The following SH3GL3 variants were observed in gnomAD, a reference collection of about 807,000 sequenced individuals.
The protein encoded by SH3GL3 is SH3 domain containing GRB2 like 3, endophilin A3.
SH3GL3 carries 33 observed loss-of-function variants against 47.7 expected under a neutral mutation model. The observed-to-expected ratio is 0.69, with a 90% CI of 0.52 to 0.92. The LOEUF (loss-of-function observed/expected upper bound fraction) is 0.92, where lower values mean the gene tolerates loss of function less well. Among genes scored for constraint, SH3GL3 ranks in the 40% least tolerant of loss-of-function variants. SH3GL3 has a pLI of 0.00. For missense variants in SH3GL3, 363 were observed against 417.8 expected, an observed-to-expected ratio of 0.87 and a Z score of 1.14; for synonymous variants, 155 against 148.8, an observed-to-expected ratio of 1.04 and a Z score of -0.30.
chr15:83,532,694 T>C (rs2732150), intron 1 of SH3GL3, among the ~76,000 whole-genome samples: 84,021 of 152,022 alleles, frequency 0.55, 23,547 homozygotes, highest in East Asian at 0.77. Context: ...ATTTTTCTCA[T>C]CTAGCATGAA....
intron 1 of SH3GL3, among the ~76,000 whole-genome samples, chr15:83,525,346 T>TTGTGTG (rs776105824): frequency 8.1e-5 from 6 of 73,940 alleles, no homozygotes; most frequent in African/African-American, 2.4e-4. Flanking sequence ...ATGAGATTCT[T>TTGTGTG]TGTGCGTGTG....
intron 1 of SH3GL3, among the ~76,000 whole-genome samples, chr15:83,471,586 T>G (rs1017436937): frequency 6.6e-6 from 1 of 152,204 alleles, no homozygotes; most frequent in Non-Finnish European, 1.5e-5. Flanking sequence ...ATTTCATGAC[T>G]TTGCTTCTGT....
In SH3GL3 at chr15:83,448,170, G is replaced by A. The variant is rs1316890486; in HGVS notation, c.45+592G>A. Among the ~76,000 whole-genome samples, 1 of 152,154 alleles carries A rather than the reference G, an allele frequency of 6.6e-6. No individual in the cohort carries two copies. Among genetic ancestry groups the A allele is most frequent in the Non-Finnish European group, 1.5e-5 (1 of 68,020 alleles). On this transcript the variant is annotated intron_variant, in intron 1 of 8. Coordinates refer to ENST00000427482, the MANE Select transcript of SH3GL3 (RefSeq NM_003027.5). The surrounding 1 kb of genome is among the most constrained non-coding windows in gnomAD (Gnocchi z 4.2). ...CCACCGTCTTCCCGGTGTCGGCCCG[G>A]GGCTGGGCATCACGCTTCTGCTCTT...
intron 5 of SH3GL3, among the ~76,000 whole-genome samples, chr15:83,574,219 G>T (rs538812286): frequency 6.6e-6 from 1 of 152,246 alleles, no homozygotes; most frequent in African/African-American, 2.4e-5. Flanking sequence ...AATGTATTTA[G>T]AATTTCTGCT....
rs1423697304 is a variant in SH3GL3 at position 83,491,347 on chromosome 15, A to G, written c.45+43769A>G. Among the ~76,000 whole-genome samples, 6 of 152,334 alleles carry G rather than the reference A, an allele frequency of 3.9e-5. No individual in the cohort carries two copies. The East Asian group carries it at 1.2e-3, about 29-fold the overall frequency. On this transcript the variant is annotated intron_variant, in intron 1 of 8. Coordinates refer to ENST00000427482, the MANE Select transcript of SH3GL3 (RefSeq NM_003027.5). ...ACTTCAACATGTCAGTGTTGTATGA[A>G]ATACTTCATTGGACTGAATTGTCCT...
At chr15:83,473,706 T>C (rs7163660) in intron 1 of SH3GL3, among the ~76,000 whole-genome samples, 121,607 of 151,618 alleles carry the variant, frequency 0.8, 48,790 homozygotes, top group Admixed American at 0.83. Context: ...CGCCACCACG[T>C]CCGGCTAATT....
chr15:83,449,060 G>A, intron 1 of SH3GL3, among the ~76,000 whole-genome samples: 1 of 152,128 alleles, frequency 6.6e-6, no homozygotes, highest in South Asian at 2.1e-4. Flanking sequence ...CAGCCTAAGC[G>A]GAGATTTAAA....
At position 83,580,583 on chromosome 15, in the gene SH3GL3, A is replaced by G. The variant is rs564718768; in HGVS notation, c.624+3842A>G. On this transcript the variant is annotated intron_variant, in intron 6 of 8. Coordinates refer to ENST00000427482, the MANE Select transcript of SH3GL3 (RefSeq NM_003027.5). The stretch of plus-strand genomic sequence containing the variant: ...GTGACAAAAAAGCCGGATTGGAATC[A>G]AGGGACATCTCTTTAACTGATGAGA... Among the ~76,000 whole-genome samples the G allele has an allele frequency of 9.2e-5, 14 of 152,354 alleles. No homozygotes were observed. The South Asian group carries it at 2.9e-3, about 32-fold the overall frequency.
At chr15:83,468,036 T>C (rs2040653727) in intron 1 of SH3GL3, among the ~76,000 whole-genome samples, 1 of 152,156 alleles carries the variant, frequency 6.6e-6, no homozygotes, top group African/African-American at 2.4e-5. Flanking sequence ...TTCACCATGT[T>C]AGCCAGGATG....
At chr15:83,602,322 G>C (rs2060407674) in intron 8 of SH3GL3, among the ~76,000 whole-genome samples, 1 of 152,148 alleles carries the variant, frequency 6.6e-6, no homozygotes, top group Non-Finnish European at 1.5e-5. Context: ...TAGTTTGTTT[G>C]GGCTGCTGTA....
At chr15:83,489,187 A>G (rs2041750557) in intron 1 of SH3GL3, 1 of 152,226 alleles carries the variant, frequency 6.6e-6, no homozygotes, top group African/African-American at 2.4e-5. Context: ...TGTGACTCCC[A>G]GGTTATGAGG....
At chr15:83,560,951 T>C (rs1376504943) in intron 2 of SH3GL3, among the ~76,000 whole-genome samples, 5 of 152,142 alleles carry the variant, frequency 3.3e-5, no homozygotes, top group African/African-American at 1.2e-4. Context: ...ATAATAGTTA[T>C]GAACCATTCT....
At chr15:83,616,371 G>A (rs910791991) in intron 8 of SH3GL3, among the ~76,000 whole-genome samples, 7 of 149,458 alleles carry the variant, frequency 4.7e-5, no homozygotes, top group African/African-American at 1.7e-4. Flanking sequence ...TCCTGCCTCA[G>A]CCTCTCCAAG....
At chr15:83,485,286 A>G (rs904645748) in intron 1 of SH3GL3, among the ~76,000 whole-genome samples, 30 of 152,242 alleles carry the variant, frequency 2.0e-4, no homozygotes, top group African/African-American at 7.2e-4. Flanking sequence ...ATAGTTTTAC[A>G]TGGGTTGGAT....
intron 1 of SH3GL3, among the ~76,000 whole-genome samples, chr15:83,500,565 C>G (rs1206407485): frequency 7.9e-5 from 12 of 152,194 alleles, no homozygotes; most frequent in Non-Finnish European, 1.5e-5. Flanking sequence ...CCTGGCTTCT[C>G]GAGTGGCTGT....
At chr15:83,553,836 T>G (rs8030218) in intron 1 of SH3GL3, among the ~76,000 whole-genome samples, 1,544 of 152,290 alleles carry the variant, frequency 0.01, 24 homozygotes, top group African/African-American at 0.033. Flanking sequence ...TTTGCTTGTT[T>G]GTTTGCCTTT....
downstream of SH3GL3, among the ~76,000 whole-genome samples, chr15:83,620,435 C>A (rs767549248): frequency 1.3e-5 from 2 of 152,178 alleles, no homozygotes; most frequent in Non-Finnish European, 2.9e-5. Context: ...GAAATTACTT[C>A]TTGATCCATG....
intron 1 of SH3GL3, among the ~76,000 whole-genome samples, chr15:83,476,269 G>A (rs975326465): frequency 6.6e-6 from 1 of 152,214 alleles, no homozygotes; most frequent in Non-Finnish European, 1.5e-5. Flanking sequence ...AGGCTTGTGT[G>A]ATTCCAAGGC....
At chr15:83,459,981 T>C (rs185790417) in intron 1 of SH3GL3, among the ~76,000 whole-genome samples, 1,881 of 111,386 alleles carry the variant, frequency 0.017, 71 homozygotes, top group African/African-American at 0.063. Flanking sequence ...TGACCTTCCC[T>C]TTCCCCTTTC....
Sources: gnomAD v4.1 joint callset for allele counts (sites outside exome capture counted in the v4.1 genomes callset) on GRCh38, gnomAD v4.1.1 for gene constraint, Gnocchi (gnomAD v3.1) non-coding constraint, MANE v1.5 for transcripts, NCBI Gene and HGNC (gene_info 2026-07-23, HGNC 2026-07-21) for gene names.